CHRM3: variants seen among roughly 807,000 people sequenced by gnomAD.
CHRM3 encodes the protein muscarinic acetylcholine receptor M3.
CHRM3 carries 11 observed loss-of-function variants against 41.8 expected under a neutral mutation model. That is an observed-to-expected ratio of 0.26 (90% confidence interval 0.17 to 0.44). CHRM3 has a LOEUF of 0.44. Among genes scored for constraint, CHRM3 ranks in the 20% least tolerant of loss-of-function variants. The probability of loss-of-function intolerance (pLI) is 1.00; values close to 1 mark genes in which losing one functional copy is unlikely to be tolerated. For synonymous variants in CHRM3, 297 were observed against 301.4 expected (o/e 0.99, Z 0.15); for missense variants, 571 against 745.4 (o/e 0.77, Z 2.72).
intron 2 of CHRM3, among the ~76,000 whole-genome samples, chr1:239,494,121 A>G (rs971595614): frequency 6.6e-6 from 1 of 152,166 alleles, no homozygotes; most frequent in Non-Finnish European, 1.5e-5. Context: ...GGGATGCATT[A>G]TTTAGAACTT....
At chr1:239,600,024 T>C (rs1196998841) in intron 3 of CHRM3, among the ~76,000 whole-genome samples, 1 of 152,178 alleles carries the variant, frequency 6.6e-6, no homozygotes, top group Non-Finnish European at 1.5e-5. Context: ...ACCTGCATTT[T>C]GCTGTATATT....
At chr1:239,589,638 CTA>C (rs10592228) in intron 3 of CHRM3, among the ~76,000 whole-genome samples, 13,493 of 124,438 alleles carry the variant, frequency 0.11, 554 homozygotes, top group Middle Eastern at 0.12. Context: ...ATATAAAAAA[CTA>C]TATATATATA....
intron 5 of CHRM3, among the ~76,000 whole-genome samples, chr1:239,782,969 C>T (rs781577483): frequency 2.3e-5 from 3 of 128,342 alleles, no homozygotes; most frequent in Admixed American, 8.7e-5. Context: ...TTAAAGCAGA[C>T]GTTGTTTGAT....
chr1:239,834,196 G>C (rs560796878), intron 6 of CHRM3, among the ~76,000 whole-genome samples: 1 of 128,132 alleles, frequency 7.8e-6, no homozygotes, highest in Non-Finnish European at 1.7e-5. Flanking sequence ...ACACTGGGGA[G>C]GACAAAATTT....
intron 5 of CHRM3, among the ~76,000 whole-genome samples, chr1:239,681,733 T>G (rs1658585902): frequency 6.6e-6 from 1 of 152,082 alleles, no homozygotes; most frequent in Admixed American, 6.5e-5. Flanking sequence ...TGTCTCTACA[T>G]AAAAGAAATT....
intron 4 of CHRM3, among the ~76,000 whole-genome samples, chr1:239,674,012 T>C (rs1277119266): frequency 6.6e-6 from 1 of 152,160 alleles, no homozygotes; most frequent in African/African-American, 2.4e-5. Context: ...TTTCACATTT[T>C]TGGATTTTTC....
chr1:239,564,965 C>T (rs897844234), intron 3 of CHRM3, among the ~76,000 whole-genome samples: 25 of 152,112 alleles, frequency 1.6e-4, no homozygotes, highest in Non-Finnish European at 2.2e-4. Flanking sequence ...GTGCTGTCCC[C>T]GGAGGCTCCA....
intron 4 of CHRM3, among the ~76,000 whole-genome samples, chr1:239,661,482 A>G (rs1383892057): frequency 6.6e-6 from 1 of 152,216 alleles, no homozygotes; most frequent in African/African-American, 2.4e-5. Flanking sequence ...TTTAGCAATA[A>G]AAAGAATGAG....
At chr1:239,581,113 A>G (rs1662860202) in intron 3 of CHRM3, among the ~76,000 whole-genome samples, 1 of 152,092 alleles carries the variant, frequency 6.6e-6, no homozygotes, top group South Asian at 2.1e-4. Flanking sequence ...AAGGGAGAAC[A>G]TGCAGCATAC....
chr1:239,857,487 G>T (rs1007221721), intron 6 of CHRM3, among the ~76,000 whole-genome samples: 7 of 152,092 alleles, frequency 4.6e-5, no homozygotes, highest in Non-Finnish European at 7.4e-5. Flanking sequence ...CACTTTGTGT[G>T]AGGTGTGTCT....
At chr1:239,576,788 TAAA>T (rs529490070) in intron 3 of CHRM3, among the ~76,000 whole-genome samples, 14 of 133,494 alleles carry the variant, frequency 1.0e-4, no homozygotes, top group African/African-American at 3.2e-4. Flanking sequence ...AGACCCTATC[TAAA>T]AAAAAAAAAA....
intron 1 of CHRM3, among the ~76,000 whole-genome samples, chr1:239,393,469 G>A (rs564207454): frequency 1.7e-4 from 26 of 152,212 alleles, no homozygotes; most frequent in African/African-American, 4.3e-4. Context: ...TCACATGCCC[G>A]ATAACACATG....
At chr1:239,544,915 A>C (rs1659143560) in intron 2 of CHRM3, among the ~76,000 whole-genome samples, 1 of 152,220 alleles carries the variant, frequency 6.6e-6, no homozygotes, top group African/African-American at 2.4e-5. Flanking sequence ...GTGATATGGT[A>C]AAGCAGCACG....
chr1:239,885,353 G>C (rs953995665), intron 6 of CHRM3, among the ~76,000 whole-genome samples: 64 of 152,094 alleles, frequency 4.2e-4, no homozygotes, highest in African/African-American at 1.4e-3. Flanking sequence ...CCGGAGTACG[G>C]TCCAAAAATG....
At chr1:239,460,761 G>T (rs1010759312) in intron 1 of CHRM3, among the ~76,000 whole-genome samples, 6 of 152,022 alleles carry the variant, frequency 3.9e-5, no homozygotes, top group Non-Finnish European at 8.8e-5. Flanking sequence ...ACTTAGAAGT[G>T]GTGGGAAACA....
chr1:239,394,538 G>T (rs1254022634), intron 1 of CHRM3, among the ~76,000 whole-genome samples: 1 of 152,300 alleles, frequency 6.6e-6, no homozygotes, highest in Non-Finnish European at 1.5e-5. Context: ...TAGGAGGTGG[G>T]CACATCTTTT....
At chr1:239,392,945 G>A (rs969941458) in intron 1 of CHRM3, among the ~76,000 whole-genome samples, 1 of 152,116 alleles carries the variant, frequency 6.6e-6, no homozygotes, top group East Asian at 1.9e-4. Context: ...ATTCCATCGA[G>A]CTAGCTCTCA....
intron 5 of CHRM3, among the ~76,000 whole-genome samples, chr1:239,796,664 C>A (rs1223056888): frequency 6.6e-6 from 1 of 152,022 alleles, no homozygotes; most frequent in East Asian, 1.9e-4. Flanking sequence ...TCCCAGAACT[C>A]CTTCTTGGCA....
intron 3 of CHRM3, among the ~76,000 whole-genome samples, chr1:239,566,066 C>T (rs909300925): frequency 6.6e-6 from 1 of 151,816 alleles, no homozygotes; most frequent in Non-Finnish European, 1.5e-5. Context: ...AGGCATGTGC[C>T]ACGATGCCTG....
Sources: gnomAD v4.1 joint callset for allele counts (sites outside exome capture counted in the v4.1 genomes callset) on GRCh38, gnomAD v4.1.1 for gene constraint, MANE v1.5 for transcripts, NCBI Gene and HGNC (gene_info 2026-07-23, HGNC 2026-07-21) for gene names.